PRKCG: variants seen among roughly 807,000 people sequenced by gnomAD.
PRKCG encodes protein kinase C gamma type.
In PRKCG, 28 loss-of-function variants were observed where a neutral mutation model predicts 82.0. That is an observed-to-expected ratio of 0.34 (90% CI 0.25 to 0.47). The LOEUF (loss-of-function observed/expected upper bound fraction) is 0.47. Ranked by LOEUF, PRKCG falls within the 20% of genes least tolerant of loss-of-function variation. The pLI is 1.00. For synonymous variants in PRKCG, 383 were observed against 376.6 expected (o/e 1.02, Z -0.20); for missense variants, 640 against 952.7 (o/e 0.67, Z 4.32).
Position 53,891,797 on chromosome 19 carries a change from C to T in PRKCG, c.653C>T (p.Thr218Met), listed in dbSNP as rs2068678776. ...CAGAAGACCCGAACGGTGAAAGCCA[C>T]GCTAAACCCTGTGTGGAATGAGACC... is the stretch of plus-strand genomic sequence containing the variant. ...TKQKTRTVKATLNPVWNETFV... is the reference protein window; with the variant it reads ...TKQKTRTVKAMLNPVWNETFV... The change falls in exon 6 of 18, where the codon ACG becomes ATG. Residue 218 changes from threonine (T) to methionine (M), a missense_variant. Thr to Met is a moderately conservative substitution (Grantham distance 81, BLOSUM62 -1). This residue lies in a region of PRKCG where 261 missense variants were observed against 312.1 expected (regional missense o/e 0.84). Transcript: ENST00000263431. The T allele has an allele frequency of 6.2e-7, 1 of 1,614,078 alleles. No individual in the cohort carries two copies. Among genetic ancestry groups the T allele is most frequent in the South Asian group, 1.1e-5 (1 of 91,076 alleles).
chr19:53,900,897 C>T lies in PRKCG; in HGVS notation c.1575+148C>T. On this transcript the variant is annotated intron_variant, in intron 14 of 17. Transcript: ENST00000263431. This position sits in a 1 kb window ranked among gnomAD's most constrained non-coding sequence, Gnocchi z 4.2. ...ACACAGCCAGTCGTTCCTCCAGCCT[C>T]CAGCACAGGTGAGCTTGGCACTGAG... 1 of 1,408,502 alleles carries T rather than the reference C, an allele frequency of 7.1e-7. No homozygotes were observed. The highest frequency in any genetic ancestry group is 9.9e-7 in the Non-Finnish European group (1 of 1,010,532). 87.3% of individuals were successfully genotyped at this position (1,408,502 alleles called of 1,614,324 possible). A position where few individuals can be genotyped will look rare whatever the true frequency, so the allele number is the denominator to read the frequency against.
chr19:53,898,054 C>T lies in PRKCG; in HGVS notation c.1035C>T (p.Arg345=), dbSNP rs1350346636. The T allele has an allele frequency of 1.2e-6, 2 of 1,614,016 alleles. No individual in the cohort carries two copies. The highest frequency in any genetic ancestry group is 2.2e-5 in the East Asian group (1 of 44,884). ...GCTTCTTCGGGGCGAGTCCAGGACG[C>T]CTGCACATCTCCGACTTCAGCTTCC... is the stretch of plus-strand genomic sequence containing the variant. ...KRCFFGASPG[R]LHISDFSFLM... Residue 345 remains arginine, a synonymous_variant, in exon 10 of 18, where the codon CGC becomes CGT. Coordinates refer to ENST00000263431, the MANE Select transcript of PRKCG (RefSeq NM_002739.5).
chr19:53,881,210 A>C (rs191905183), upstream of PRKCG, among the ~76,000 whole-genome samples: 41 of 152,270 alleles, frequency 2.7e-4, no homozygotes, highest in East Asian at 7.7e-3. Flanking sequence ...ATATAGGAAG[A>C]GACAAACAAA....
intron 16 of PRKCG, among the ~76,000 whole-genome samples, chr19:53,906,081 C>CTT (rs1568763987): frequency 5.6e-4 from 20 of 35,488 alleles, no homozygotes; most frequent in East Asian, 3.2e-3. Context: ...TCCTCCTCCT[C>CTT]CTCCTTCTTC....
Position 53,889,424 on chromosome 19 carries a change from G to GTT in PRKCG, c.286-204_286-203dup, listed in dbSNP as rs35336576. Among the ~76,000 whole-genome samples the GTT allele has an allele frequency of 5.4e-5, 8 of 147,748 alleles. No homozygotes were observed. Among genetic ancestry groups the GTT allele is most frequent in the African/African-American group, 2.0e-4 (8 of 40,342 alleles). ...GAAGTAAACTCCATGTGACAAAGAG[G>GTT]TTTTTTTTTTTCATTTGTTTAATGC... On this transcript the variant is annotated intron_variant, in intron 3 of 17. Transcript: ENST00000263431. This position sits in a 1 kb window ranked among gnomAD's most constrained non-coding sequence, Gnocchi z 4.4.
chr19:53,891,893 G>A lies in PRKCG; in HGVS notation c.686+63G>A. Reference sequence around the variant, plus strand: ...AGAGAATGATCTGAGGGTCCTAGTGGCCCCCAGAGAGCAGCTGATGGGAGG... The same window carrying A: ...AGAGAATGATCTGAGGGTCCTAGTGACCCCCAGAGAGCAGCTGATGGGAGG... On this transcript the variant is annotated intron_variant, in intron 6 of 17. Transcript: ENST00000263431. 1.9e-6 allele frequency: 3 copies of A among 1,604,370 alleles called. No individual in the cohort carries two copies. In the South Asian group the frequency reaches 3.3e-5, roughly 18 times the overall value.
chr19:53,894,576 C>T (rs1173793829), intron 9 of PRKCG, among the ~76,000 whole-genome samples: 1 of 152,058 alleles, frequency 6.6e-6, no homozygotes, highest in African/African-American at 2.4e-5. Context: ...TCTCCTGCCT[C>T]AGCCTCCTGA....
intron 11 of PRKCG, among the ~76,000 whole-genome samples, chr19:53,899,191 A>G (rs1349907661): frequency 6.8e-6 from 1 of 147,108 alleles, no homozygotes; most frequent in African/African-American, 2.5e-5. Context: ...GGCCAGGTGA[A>G]TGGGTCCTGC....
At chr19:53,902,890 CAAAAAAAAA>C (rs56955659) in intron 14 of PRKCG, among the ~76,000 whole-genome samples, 174 bp from the exon 15 acceptor site, 14 of 19,966 alleles carry the variant, frequency 7.0e-4, no homozygotes, top group East Asian at 2.2e-3. Context: ...GAGACCCTGT[CAAAAAAAAA>C]AAAAAAAAAA....
chr19:53,906,502 G>A, intron 17 of PRKCG, 45 bp downstream of exon 17: 1 of 1,569,154 alleles, frequency 6.4e-7, no homozygotes, highest in Non-Finnish European at 8.6e-7. Context: ...CTGAAGGGGT[G>A]GGGTTCCCCT....
chr19:53,906,626 G>T, intron 17 of PRKCG, 81 bp from the exon 18 acceptor site: 1 of 1,562,186 alleles, frequency 6.4e-7, no homozygotes, highest in Non-Finnish European at 8.8e-7. Context: ...CAGGAGACAG[G>T]AGATGAGACT....
chr19:53,896,546 A>C (rs1190982625), intron 9 of PRKCG, among the ~76,000 whole-genome samples: 3 of 152,072 alleles, frequency 2.0e-5, no homozygotes, highest in African/African-American at 7.2e-5. Flanking sequence ...TGGCCTCCCA[A>C]GTAGCTGGGA....
At chr19:53,903,223 G>C (rs974037894) in intron 15 of PRKCG, 70 bp downstream of exon 15, 3 of 1,283,406 alleles carry the variant, frequency 2.3e-6, no homozygotes, top group Non-Finnish European at 3.4e-6. Flanking sequence ...CTCAGGAGGA[G>C]CCAGTTAGAA....
Position 53,889,517 on chromosome 19 carries a change from GA to G in PRKCG, c.286-118del. The G allele has an allele frequency of 1.3e-6, 1 of 742,588 alleles. No individual in the cohort carries two copies. The highest frequency in any genetic ancestry group is 2.7e-5 in the East Asian group (1 of 37,202). The allele number at this position is 742,588 out of a possible 1,614,324, so 46.0% of individuals were successfully genotyped here. A position where few individuals can be genotyped will look rare whatever the true frequency, so the allele number is the denominator to read the frequency against. On this transcript the variant is annotated intron_variant, in intron 3 of 17. Transcript: ENST00000263431. This position sits in a 1 kb window ranked among gnomAD's most constrained non-coding sequence, Gnocchi z 4.4. ...CTCAATGATTATTGGTACATAGAGT[GA>G]AAGAGATGGAGCCTCAGGCTGACCT...
chr19:53,883,297 G>T lies in PRKCG; in HGVS notation c.202+103G>T. 1 of 1,391,342 alleles carries T rather than the reference G, an allele frequency of 7.2e-7. No individual in the cohort carries two copies. The allele number at this position is 1,391,342 out of a possible 1,614,324, so 86.2% of individuals were successfully genotyped here. On this transcript the variant is annotated intron_variant, in intron 2 of 17. Coordinates refer to ENST00000263431, the MANE Select transcript of PRKCG (RefSeq NM_002739.5). The surrounding 1 kb of genome is among the most constrained non-coding windows in gnomAD (Gnocchi z 5.4). ...CACGTGTTCTCTGGTCCCCAGAGAG[G>T]CGCGGGGGAGCCCGGGGCGGGGGGT...
In PRKCG at chr19:53,884,300, T is replaced by C; in HGVS notation, c.285+57T>C. On this transcript the variant is annotated intron_variant, in intron 3 of 17. Transcript: ENST00000263431. The surrounding 1 kb of genome is among the most constrained non-coding windows in gnomAD (Gnocchi z 4.6). Reference sequence around the variant, plus strand: ...GGGCCGTGCCCCCGCCCTCACCCCCTCGGCGTCCGTCCCAATTTCTCCTGC... The same window carrying C: ...GGGCCGTGCCCCCGCCCTCACCCCCCCGGCGTCCGTCCCAATTTCTCCTGC... 1 of 1,485,882 alleles carries C rather than the reference T, an allele frequency of 6.7e-7. No individual in the cohort carries two copies. The highest frequency in any genetic ancestry group is 1.7e-5 in the Admixed American group (1 of 59,782). 92.0% of individuals were successfully genotyped at this position (1,485,882 alleles called of 1,614,324 possible). A position where few individuals can be genotyped will look rare whatever the true frequency, so the allele number is the denominator to read the frequency against.
Position 53,889,797 on chromosome 19 carries a change from G to C in PRKCG, c.397+48G>C, listed in dbSNP as rs753339897. 73 of 1,597,270 alleles carry C rather than the reference G, an allele frequency of 4.6e-5. 3 individuals carry two copies. In the South Asian group the frequency reaches 7.9e-4, roughly 17 times the overall value. ...GGGCCCTTCCAAAGCGCCCGGTCTG[G>C]GTTCCGGGAAATGCCCGGGATGGGG... On this transcript the variant is annotated intron_variant, in intron 4 of 17. Transcript: ENST00000263431. This position sits in a 1 kb window ranked among gnomAD's most constrained non-coding sequence, Gnocchi z 4.4.
Position 53,890,033 on chromosome 19 carries a change from C to G in PRKCG, c.529+16C>G. On this transcript the variant is annotated intron_variant, in intron 5 of 17. Transcript: ENST00000263431. ...CACGTAACTGGTGAGGCCCCGCCCCCTCGCCTGGCCCCGCCCCCTCCCCAA... is the reference window on the plus strand; with the variant it reads ...CACGTAACTGGTGAGGCCCCGCCCCGTCGCCTGGCCCCGCCCCCTCCCCAA... 1 of 1,550,692 alleles carries G rather than the reference C, an allele frequency of 6.4e-7. No homozygotes were observed. Among genetic ancestry groups the G allele is most frequent in the East Asian group, 2.4e-5 (1 of 41,218 alleles).
At chr19:53,891,210 C>G (rs10412278) in intron 5 of PRKCG, among the ~76,000 whole-genome samples, 6,682 of 151,756 alleles carry the variant, frequency 0.044, 454 homozygotes, top group African/African-American at 0.14. Context: ...GGAAAGGGCT[C>G]TATGCCCTGT....
Sources: allele counts gnomAD v4.1 joint callset (sites outside exome capture counted in the v4.1 genomes callset), GRCh38; gene constraint gnomAD v4.1.1; regional missense constraint gnomAD v4.1.1; non-coding constraint Gnocchi (gnomAD v3.1); transcripts MANE v1.5; gene names NCBI Gene and HGNC (gene_info 2026-07-23, HGNC 2026-07-21).